The following DPP10 variants were observed in gnomAD, a reference collection of about 807,000 sequenced individuals.
DPP10 encodes inactive dipeptidyl peptidase 10.
DPP10 carries 33 observed loss-of-function variants against 120.9 expected under a neutral mutation model. The observed-to-expected ratio is 0.27, with a 90% confidence interval of 0.21 to 0.37. The LOEUF (loss-of-function observed/expected upper bound fraction) is 0.37. DPP10 is among the 10% of genes least tolerant of loss of function. The pLI, the probability that DPP10 is intolerant of heterozygous loss-of-function variation, is 1.00. For synonymous variants in DPP10, 337 were observed against 326.1 expected (o/e 1.03, Z -0.36); for missense variants, 816 against 942.8 (o/e 0.87, Z 1.76).
At chr2:114,578,630 A>T (rs1200298965) in intron 1 of DPP10, among the ~76,000 whole-genome samples, 1 of 152,226 alleles carries the variant, frequency 6.6e-6, no homozygotes, top group Non-Finnish European at 1.5e-5. Flanking sequence ...TTAAACTGTC[A>T]GCAAAATCAG....
At chr2:115,176,898 G>C (rs1054412564) in intron 1 of DPP10, among the ~76,000 whole-genome samples, 8 of 152,166 alleles carry the variant, frequency 5.3e-5, no homozygotes, top group African/African-American at 1.7e-4. Context: ...GTGAGCACCT[G>C]CTCCCTTAGG....
intron 1 of DPP10, among the ~76,000 whole-genome samples, chr2:114,663,642 T>G (rs1362021728): frequency 2.7e-5 from 2 of 74,494 alleles, no homozygotes; most frequent in Admixed American, 1.3e-4. Context: ...CATGTACAGA[T>G]ATATATATAT....
chr2:115,629,960 G>A (rs545393059), intron 5 of DPP10, among the ~76,000 whole-genome samples: 2 of 152,244 alleles, frequency 1.3e-5, no homozygotes, highest in South Asian at 4.1e-4. Flanking sequence ...AGTTTAATGG[G>A]AGGGAATAAC....
chr2:114,702,455 T>G (rs1038892844), intron 1 of DPP10, among the ~76,000 whole-genome samples: 2 of 151,998 alleles, frequency 1.3e-5, no homozygotes, highest in Non-Finnish European at 2.9e-5. Context: ...GCCATTGCTC[T>G]CTGGAAATGG....
At chr2:115,677,435 C>G (rs566430265) in intron 5 of DPP10, among the ~76,000 whole-genome samples, 1 of 152,008 alleles carries the variant, frequency 6.6e-6, no homozygotes, top group South Asian at 2.1e-4. Flanking sequence ...CAATAACTGA[C>G]TAGCATGTAA....
At chr2:115,091,118 C>T (rs746255460) in intron 1 of DPP10, among the ~76,000 whole-genome samples, 1 of 152,150 alleles carries the variant, frequency 6.6e-6, no homozygotes, top group African/African-American at 2.4e-5. Context: ...TCCCACCCTC[C>T]TCATTCTCTT....
At chr2:114,713,464 A>G (rs1701157693) in intron 1 of DPP10, among the ~76,000 whole-genome samples, 1 of 152,192 alleles carries the variant, frequency 6.6e-6, no homozygotes, top group South Asian at 2.1e-4. Context: ...ATCGGAAAAT[A>G]AAAACATCGA....
At chr2:115,464,065 G>A (rs534190580) in intron 3 of DPP10, among the ~76,000 whole-genome samples, 22 of 151,894 alleles carry the variant, frequency 1.4e-4, no homozygotes, top group Non-Finnish European at 2.2e-4. Context: ...TCTGAATCAC[G>A]GCTTCAATTG....
At chr2:115,273,628 G>T (rs1375482549) in intron 1 of DPP10, among the ~76,000 whole-genome samples, 1 of 152,174 alleles carries the variant, frequency 6.6e-6, no homozygotes, top group Admixed American at 6.5e-5. Flanking sequence ...GAGCCACCGC[G>T]CCCGGCCTGA....
At chr2:114,997,362 T>G (rs1033593729) in intron 1 of DPP10, among the ~76,000 whole-genome samples, 2 of 147,886 alleles carry the variant, frequency 1.4e-5, no homozygotes, top group African/African-American at 5.0e-5. Context: ...CATGGTGGCA[T>G]GCACCTGTAG....
chr2:114,542,124 T>A (rs900834942), intron 1 of DPP10, among the ~76,000 whole-genome samples: 2 of 148,030 alleles, frequency 1.4e-5, no homozygotes, highest in African/African-American at 5.0e-5. Flanking sequence ...CTTGGCTCAC[T>A]GCAACCTCCA....
intron 5 of DPP10, among the ~76,000 whole-genome samples, chr2:115,532,091 C>T (rs937582661): frequency 1.3e-5 from 2 of 152,098 alleles, no homozygotes; most frequent in African/African-American, 2.4e-5. Context: ...TTTGTCTGAT[C>T]ACTCTCTATT....
chr2:115,282,097 C>T (rs946596551), intron 1 of DPP10, among the ~76,000 whole-genome samples: 3 of 151,808 alleles, frequency 2.0e-5, no homozygotes, highest in South Asian at 2.1e-4. Context: ...CTAAGAAGTA[C>T]GTAGAAACAA....
intron 10 of DPP10, among the ~76,000 whole-genome samples, chr2:115,751,161 C>T (rs918607313): frequency 6.6e-6 from 1 of 152,128 alleles, no homozygotes; most frequent in African/African-American, 2.4e-5. Context: ...ATCAATTATT[C>T]AGCATTTCAG....
chr2:115,186,636 A>G (rs2054460389), intron 1 of DPP10, among the ~76,000 whole-genome samples: 1 of 152,184 alleles, frequency 6.6e-6, no homozygotes, highest in African/African-American at 2.4e-5. Flanking sequence ...AGCATGCTCA[A>G]ATTGTATAAC....
chr2:114,878,396 A>C (rs1249548499), intron 1 of DPP10, among the ~76,000 whole-genome samples: 1 of 152,142 alleles, frequency 6.6e-6, no homozygotes, highest in Non-Finnish European at 1.5e-5. Flanking sequence ...TAGGGTATCT[A>C]TCACCTCAAA....
intron 7 of DPP10, among the ~76,000 whole-genome samples, chr2:115,717,607 T>A (rs962289691): frequency 3.3e-5 from 5 of 151,846 alleles, no homozygotes; most frequent in African/African-American, 7.3e-5. Context: ...AAAAAAAAAA[T>A]ATATATGTAT....
chr2:115,322,104 T>G (rs1018535695), intron 2 of DPP10, among the ~76,000 whole-genome samples: 4 of 152,264 alleles, frequency 2.6e-5, no homozygotes, highest in East Asian at 3.9e-4. Flanking sequence ...TTTGGATGCT[T>G]TACAATTTCT....
chr2:115,723,539 CTCT>C (rs1466550934), intron 7 of DPP10, among the ~76,000 whole-genome samples: 1 of 151,294 alleles, frequency 6.6e-6, no homozygotes, highest in African/African-American at 2.4e-5. Flanking sequence ...TTCACTTTGA[CTCT>C]TCTTTTTAGT....
Sources: gnomAD v4.1 joint callset for allele counts (sites outside exome capture counted in the v4.1 genomes callset) on GRCh38, gnomAD v4.1.1 for gene constraint, MANE v1.5 for transcripts, NCBI Gene and HGNC (gene_info 2026-07-23, HGNC 2026-07-21) for gene names.